Variants in GRK5 observed in about 807,000 individuals in gnomAD.
GRK5 encodes g protein-coupled receptor kinase GRK5.
In GRK5, 40 loss-of-function variants were observed where a neutral mutation model predicts 78.4. The ratio of observed to expected loss-of-function variants is 0.51; its 90% confidence interval spans 0.40 to 0.66. The LOEUF (loss-of-function observed/expected upper bound fraction) is 0.66, where lower values mean the gene tolerates loss of function less well. GRK5 is among the 30% of genes least tolerant of loss of function. GRK5 has a pLI of 0.00. For synonymous variants in GRK5, 289 were observed against 296.8 expected (o/e 0.97, Z 0.27); for missense variants, 598 against 759.9 (o/e 0.79, Z 2.50).
In GRK5 at chr10:119,396,686, C is replaced by T; in HGVS notation, c.262-9C>T. 6.2e-7 allele frequency: 1 copy of T among 1,606,082 alleles called. No individual in the cohort carries two copies. The highest frequency in any genetic ancestry group is 8.5e-7 in the Non-Finnish European group (1 of 1,172,814). ...CCTGTTATTGTTCTTTTTTCTCCTTCTGTTTTAGGCAGAATATGAAGTTAC... is the reference window on the plus strand; with the variant it reads ...CCTGTTATTGTTCTTTTTTCTCCTTTTGTTTTAGGCAGAATATGAAGTTAC... On this transcript the variant is annotated splice_polypyrimidine_tract_variant and intron_variant, in intron 3 of 15. Transcript: ENST00000392870.
chr10:119,322,457 C>T (rs1015842155), intron 1 of GRK5, among the ~76,000 whole-genome samples: 1 of 152,226 alleles, frequency 6.6e-6, no homozygotes, highest in Non-Finnish European at 1.5e-5. Context: ...ACTGAGGTAA[C>T]GCGTTGGATG....
At chr10:119,364,970 A>C (rs762581273) in intron 2 of GRK5, among the ~76,000 whole-genome samples, 2 of 151,882 alleles carry the variant, frequency 1.3e-5, no homozygotes, top group African/African-American at 2.4e-5. Flanking sequence ...TTTCCCAGTT[A>C]TCTCTCTTGT....
intron 2 of GRK5, among the ~76,000 whole-genome samples, chr10:119,375,151 C>T (rs1018361595): frequency 3.9e-5 from 6 of 152,192 alleles, no homozygotes; most frequent in African/African-American, 1.4e-4. Context: ...TGAAGATCCA[C>T]TCAGTGACAT....
At chr10:119,212,836 A>ACAT (rs1465043905) in intron 1 of GRK5, 2 of 152,198 alleles carry the variant, frequency 1.3e-5, no homozygotes, top group Admixed American at 1.3e-4. Flanking sequence ...CCCATTTCTC[A>ACAT]CATCAAAATA....
intron 13 of GRK5, among the ~76,000 whole-genome samples, chr10:119,451,039 GTCCCTGCCAGCCCCCCACAGTCA>G: frequency 4.0e-5 from 1 of 25,034 alleles, no homozygotes; most frequent in Admixed American, 6.6e-4. Context: ...CCCCCCAGTC[GTCCCTGCCAGCCCCCCACAGTCA>G]TCCCTGCCAG....
At chr10:119,400,218 C>T (rs1852125938) in intron 4 of GRK5, among the ~76,000 whole-genome samples, 1 of 152,184 alleles carries the variant, frequency 6.6e-6, no homozygotes, top group Admixed American at 6.5e-5. Context: ...TAACCAAATG[C>T]CCCACGATGG....
At chr10:119,363,279 C>CAAA (rs373115186) in intron 2 of GRK5, among the ~76,000 whole-genome samples, 3 of 130,498 alleles carry the variant, frequency 2.3e-5, no homozygotes, top group Non-Finnish European at 1.7e-5. Context: ...GAAACTGTCT[C>CAAA]AAAAAAAAAA....
chr10:119,401,792 A>C (rs1038278184), intron 4 of GRK5, among the ~76,000 whole-genome samples: 13 of 152,186 alleles, frequency 8.5e-5, no homozygotes, highest in Non-Finnish European at 5.9e-5. Context: ...AGGCCAAGGA[A>C]GGGTCGGGAG....
At chr10:119,214,328 T>TC (rs1053589584) in intron 1 of GRK5, among the ~76,000 whole-genome samples, 1 of 152,160 alleles carries the variant, frequency 6.6e-6, no homozygotes, top group Admixed American at 6.5e-5. Context: ...TGGATTTTTT[T>TC]CCCCGAAGAG....
rs980281229 is a variant in GRK5, at chr10:119,412,246, C to A, written c.340-10920C>A. Among the ~76,000 whole-genome samples the A allele has an allele frequency of 2.0e-5, 3 of 152,200 alleles. No individual in the cohort carries two copies. The highest frequency in any genetic ancestry group is 4.4e-5 in the Non-Finnish European group (3 of 68,032). The stretch of plus-strand genomic sequence containing the variant: ...TCAAAAGAGGCACAGTGAGAGCCTT[C>A]CAGCCTCGATCACAAGGACCTCTAC... On this transcript the variant is annotated intron_variant, in intron 4 of 15. Transcript: ENST00000392870. This position sits in a 1 kb window ranked among gnomAD's most constrained non-coding sequence, Gnocchi z 4.3.
intron 1 of GRK5, among the ~76,000 whole-genome samples, chr10:119,257,828 AGTTATGGCTATG>A: frequency 6.6e-6 from 1 of 152,338 alleles, no homozygotes; most frequent in South Asian, 2.1e-4. Flanking sequence ...GCAGCTCCTC[AGTTATGGCTATG>A]CCCTGGCTGT....
At chr10:119,219,151 G>A (rs1361369748) in intron 1 of GRK5, among the ~76,000 whole-genome samples, 1 of 152,090 alleles carries the variant, frequency 6.6e-6, no homozygotes, top group African/African-American at 2.4e-5. Context: ...GCCTCCCAAA[G>A]TGCTGGGATT....
chr10:119,447,906 G>A (rs1298795948), intron 12 of GRK5, among the ~76,000 whole-genome samples: 1 of 152,248 alleles, frequency 6.6e-6, no homozygotes, highest in Admixed American at 6.5e-5. Context: ...AGAGAAACAA[G>A]ATTCCTGCTC....
Position 119,434,260 on chromosome 10 carries a change from C to T in GRK5, c.739-2391C>T, listed in dbSNP as rs559851839. Among the ~76,000 whole-genome samples the T allele has an allele frequency of 1.4e-3, 219 of 152,310 alleles. 2 individuals are homozygous for T. Among genetic ancestry groups the T allele is most frequent in the Non-Finnish European group, 1.9e-3 (129 of 68,022 alleles). ...TCCCAAATCTCATGACCTCACATTT[C>T]AAAACCAATCATGCCTTCCCAACAG... On this transcript the variant is annotated intron_variant, in intron 8 of 15. Transcript: ENST00000392870.
At chr10:119,408,160 T>A (rs2133866570) in intron 4 of GRK5, among the ~76,000 whole-genome samples, 1 of 80,154 alleles carries the variant, frequency 1.2e-5, no homozygotes, top group African/African-American at 5.2e-5. Flanking sequence ...TGAAACTCCA[T>A]CTCAAAAAAA....
chr10:119,403,715 C>T (rs553834596), intron 4 of GRK5, among the ~76,000 whole-genome samples: 94 of 151,856 alleles, frequency 6.2e-4, no homozygotes, highest in Admixed American at 2.0e-3. Context: ...CTCACTGTAA[C>T]CTCCACCCCC....
At chr10:119,349,643 G>A (rs1289542878) in intron 2 of GRK5, among the ~76,000 whole-genome samples, 2 of 152,330 alleles carry the variant, frequency 1.3e-5, no homozygotes, top group Non-Finnish European at 1.5e-5. Context: ...TGAGGGGTGG[G>A]CATTGGGTCT....
intron 1 of GRK5, among the ~76,000 whole-genome samples, chr10:119,310,124 C>T (rs1850334888): frequency 6.6e-6 from 1 of 152,166 alleles, no homozygotes; most frequent in African/African-American, 2.4e-5. Context: ...GCCAGGATCT[C>T]TACAGCATTT....
intron 2 of GRK5, among the ~76,000 whole-genome samples, chr10:119,343,385 C>T (rs915114): frequency 0.045 from 6,833 of 152,304 alleles, 279 homozygotes; most frequent in East Asian, 0.22. Flanking sequence ...TGCAGACACA[C>T]ACTCGTCCAA....
Sources: gnomAD v4.1 joint callset for allele counts (sites outside exome capture counted in the v4.1 genomes callset) on GRCh38, gnomAD v4.1.1 for gene constraint, Gnocchi (gnomAD v3.1) non-coding constraint, MANE v1.5 for transcripts, NCBI Gene and HGNC (gene_info 2026-07-23, HGNC 2026-07-21) for gene names.